PCDHGA2: variants seen among roughly 807,000 people sequenced by gnomAD.
The protein encoded by PCDHGA2 is protocadherin gamma subfamily A, 2.
Under a neutral mutation model 59.2 loss-of-function variants are expected in PCDHGA2, and 40 were observed. The ratio of observed to expected loss-of-function variants is 0.68; its 90% CI spans 0.52 to 0.88. The LOEUF (loss-of-function observed/expected upper bound fraction) is 0.88. Among genes scored for constraint, PCDHGA2 ranks in the 40% least tolerant of loss-of-function variants. The pLI, the probability that PCDHGA2 is intolerant of heterozygous loss-of-function variation, is 0.00. For missense variants in PCDHGA2, 1,226 were observed against 1,204.0 expected, an observed-to-expected ratio of 1.02 and a Z score of -0.27; for synonymous variants, 560 against 526.0, an observed-to-expected ratio of 1.06 and a Z score of -0.89.
chr5:141,416,441 T>C (rs2096024396), intron 1 of PCDHGA2: 1 of 152,162 alleles, frequency 6.6e-6, no homozygotes, highest in Non-Finnish European at 1.5e-5. Flanking sequence ...TGAAAGTAAA[T>C]ATGGGTTGGG....
intron 1 of PCDHGA2, chr5:141,367,582 AG>A (rs1765244187): frequency 6.6e-6 from 1 of 150,954 alleles, no homozygotes; most frequent in Non-Finnish European, 1.5e-5. Flanking sequence ...ATATCAGAAA[AG>A]TAGATAAAAT....
chr5:141,427,099 A>G (rs989437547), intron 1 of PCDHGA2: 3 of 457,936 alleles, frequency 6.6e-6, no homozygotes, highest in African/African-American at 6.0e-5. Context: ...GAGGGTGTCA[A>G]TGCGGAGATC....
rs1375469711 is a variant in PCDHGA2, at chr5:141,512,102, C to A, written c.*929C>A. On this transcript the variant is annotated 3_prime_UTR_variant, in exon 4 of 4. Coordinates refer to ENST00000394576, the MANE Select transcript of PCDHGA2 (RefSeq NM_018915.4). ...GCCATAAACCAATAACTAGGCTGGA[C>A]CCTTCCCACTACATAATAGGGCTCA... The A allele has an allele frequency of 6.5e-6, 1 of 152,688 alleles. No individual in the cohort carries two copies. Among genetic ancestry groups the A allele is most frequent in the Non-Finnish European group, 1.5e-5 (1 of 68,070 alleles). The allele number at this position is 152,688 out of a possible 1,614,324, so 9.5% of individuals were successfully genotyped here. A position where few individuals can be genotyped will look rare whatever the true frequency, so the allele number is the denominator to read the frequency against.
intron 1 of PCDHGA2, among the ~76,000 whole-genome samples, chr5:141,363,702 G>T (rs185509758): frequency 3.9e-5 from 6 of 152,286 alleles, no homozygotes; most frequent in African/African-American, 1.4e-4. Context: ...AAATCAGTAG[G>T]CCTGTTTGGA....
intron 1 of PCDHGA2, chr5:141,408,782 T>A: frequency 6.2e-7 from 1 of 1,612,108 alleles, no homozygotes. Context: ...ATACCCAGAG[T>A]TATCTCTGGA....
chr5:141,399,546 G>A, intron 1 of PCDHGA2: 1 of 1,614,032 alleles, frequency 6.2e-7, no homozygotes, highest in Non-Finnish European at 8.5e-7. Context: ...TCTGCGCCTC[G>A]GACCTGGACT....
In PCDHGA2 at chr5:141,489,633, T is replaced by C. The variant is rs1298084961; in HGVS notation, c.2425-5174T>C. On this transcript the variant is annotated intron_variant, in intron 1 of 3. Coordinates refer to ENST00000394576, the MANE Select transcript of PCDHGA2 (RefSeq NM_018915.4). The surrounding 1 kb of genome is among the most constrained non-coding windows in gnomAD (Gnocchi z 4.5). ...TCCTGGATCTCAATGACAACTCTCC[T>C]AGCTTTGCCACCCCTGAGCGAGAGA... The C allele has an allele frequency of 6.2e-7, 1 of 1,614,160 alleles. No individual in the cohort carries two copies. Among genetic ancestry groups the C allele is most frequent in the South Asian group, 1.1e-5 (1 of 91,086 alleles).
chr5:141,412,893 A>C (rs1190008207), intron 1 of PCDHGA2: 6 of 340,884 alleles, frequency 1.8e-5, no homozygotes, highest in Non-Finnish European at 2.6e-5. Flanking sequence ...AGAATAGTTT[A>C]CTTTCCATTG....
intron 2 of PCDHGA2, among the ~76,000 whole-genome samples, chr5:141,496,839 AG>A (rs2099771805): frequency 1.3e-5 from 2 of 151,484 alleles, no homozygotes; most frequent in African/African-American, 4.9e-5. Context: ...CAGAACTCAT[AG>A]GCTTCCAGAC....
Position 141,341,092 on chromosome 5 carries a change from C to A in PCDHGA2, c.2121C>A (p.Phe707Leu), listed in dbSNP as rs1170396854. Residue 707 changes from phenylalanine to leucine, a missense_variant, in exon 1 of 4, where the codon TTC becomes TTA. Physicochemically the swap from Phe to Leu is conservative, Grantham distance 22. Coordinates refer to ENST00000394576, the MANE Select transcript of PCDHGA2 (RefSeq NM_018915.4). ...CGGTCTCCTGCGTCTTCCTGGCCTTCGTCATCGTGTTGCTGGCGCACAGGC... is the reference window on the plus strand; with the variant it reads ...CGGTCTCCTGCGTCTTCCTGGCCTTAGTCATCGTGTTGCTGGCGCACAGGC... ...VAAVSCVFLA[F>L]VIVLLAHRLR... 1 of 1,614,232 alleles carries A rather than the reference C, an allele frequency of 6.2e-7. No homozygotes were observed. The highest frequency in any genetic ancestry group is 8.5e-7 in the Non-Finnish European group (1 of 1,180,050).
intron 1 of PCDHGA2, chr5:141,346,441 A>G (rs752229243): frequency 5.6e-6 from 9 of 1,614,258 alleles, no homozygotes; most frequent in East Asian, 2.2e-5. Context: ...ATGAAAGGAG[A>G]TTCCAACCTA....
chr5:141,429,234 T>C (rs2097199038), intron 1 of PCDHGA2: 1 of 152,114 alleles, frequency 6.6e-6, no homozygotes, highest in African/African-American at 2.4e-5. Context: ...ATGATACTGC[T>C]GTCATTGAGA....
chr5:141,489,335 G>T lies in PCDHGA2; in HGVS notation c.2425-5472G>T. On this transcript the variant is annotated intron_variant, in intron 1 of 3. Transcript: ENST00000394576. This position sits in a 1 kb window ranked among gnomAD's most constrained non-coding sequence, Gnocchi z 4.5. ...TGGGGCTGGGTGTCTGGGCAGCTTC[G>T]TTACTCAGTGGTGGAGGAGTCTGAG... 1.2e-6 allele frequency: 2 copies of T among 1,607,364 alleles called. No individual in the cohort carries two copies. The highest frequency in any genetic ancestry group is 1.7e-6 in the Non-Finnish European group (2 of 1,175,842).
intron 1 of PCDHGA2, chr5:141,346,019 G>A (rs1015633914): frequency 5.6e-6 from 9 of 1,613,346 alleles, no homozygotes; most frequent in Non-Finnish European, 7.6e-6. Context: ...CGCTCACCGT[G>A]GCCGTGGCCG....
chr5:141,491,714 C>T lies in PCDHGA2; in HGVS notation c.2425-3093C>T, dbSNP rs1321811999. 2 of 1,608,744 alleles carry T rather than the reference C, an allele frequency of 1.2e-6. No individual in the cohort carries two copies. Among genetic ancestry groups the T allele is most frequent in the Non-Finnish European group, 1.7e-6 (2 of 1,177,916 alleles). The stretch of plus-strand genomic sequence containing the variant: ...GAGCGGAGCCAGGTGAGGGGCTCGG[C>T]GCCGCCCCGGGCGACCCCTGGGGGC... On this transcript the variant is annotated intron_variant, in intron 1 of 3. Coordinates refer to ENST00000394576, the MANE Select transcript of PCDHGA2 (RefSeq NM_018915.4). The surrounding 1 kb of genome is among the most constrained non-coding windows in gnomAD (Gnocchi z 6.9).
At chr5:141,422,683 G>A in intron 1 of PCDHGA2, 1 of 1,605,286 alleles carries the variant, frequency 6.2e-7, no homozygotes, top group Non-Finnish European at 8.5e-7. Flanking sequence ...CAAACAGAAT[G>A]CCCTGGTCAC....
At chr5:141,410,012 C>T (rs1256228205) in intron 1 of PCDHGA2, 24 of 1,613,212 alleles carry the variant, frequency 1.5e-5, no homozygotes, top group Non-Finnish European at 2.0e-5. Context: ...CAACGCCTGG[C>T]TGTCCTACCA....
intron 1 of PCDHGA2, chr5:141,396,655 C>T (rs1589287485): frequency 6.6e-6 from 1 of 152,052 alleles, no homozygotes; most frequent in South Asian, 2.1e-4. Context: ...AGTAAAAACT[C>T]GGTATAGGCT....
intron 1 of PCDHGA2, chr5:141,361,379 T>C: frequency 6.2e-7 from 1 of 1,613,918 alleles, no homozygotes; most frequent in South Asian, 1.1e-5. Context: ...CGGGAGGAGA[T>C]CCCAGAATAC....
Sources: allele counts gnomAD v4.1 joint callset (sites outside exome capture counted in the v4.1 genomes callset), GRCh38; gene constraint gnomAD v4.1.1; non-coding constraint Gnocchi (gnomAD v3.1); transcripts MANE v1.5; gene names NCBI Gene and HGNC (gene_info 2026-07-23, HGNC 2026-07-21).